The following SULF2 variants were observed in gnomAD, a reference collection of about 807,000 sequenced individuals.
SULF2 encodes sulfatase 2.
In SULF2, 52 loss-of-function variants were observed where a neutral mutation model predicts 107.7. The observed-to-expected ratio is 0.48, with a 90% CI of 0.39 to 0.61. The LOEUF is 0.61. SULF2 is among the 20% of genes least tolerant of loss of function. SULF2 has a pLI of 0.00. For missense variants in SULF2, 993 were observed against 1,177.3 expected (o/e 0.84, Z 2.29); for synonymous variants, 460 against 464.3 (o/e 0.99, Z 0.12).
intron 2 of SULF2, among the ~76,000 whole-genome samples, chr20:47,739,441 C>T (rs368647592): frequency 6.6e-6 from 1 of 152,246 alleles, no homozygotes; most frequent in African/African-American, 2.4e-5. Context: ...GGCCGCCCTC[C>T]CACCTCCTGG....
chr20:47,735,557 T>A (rs1302073106), intron 3 of SULF2, among the ~76,000 whole-genome samples: 1 of 152,144 alleles, frequency 6.6e-6, no homozygotes, highest in Non-Finnish European at 1.5e-5. Context: ...TCTAGGGTGG[T>A]GGCCATGGTA....
At chr20:47,754,619 G>A (rs1053317837) in intron 2 of SULF2, among the ~76,000 whole-genome samples, 2 of 152,160 alleles carry the variant, frequency 1.3e-5, no homozygotes, top group Non-Finnish European at 2.9e-5. Flanking sequence ...AACACCAGGG[G>A]CTCTAAACCC....
chr20:47,775,655 A>G (rs1404975339), intron 1 of SULF2, among the ~76,000 whole-genome samples: 1 of 152,198 alleles, frequency 6.6e-6, no homozygotes, highest in South Asian at 2.1e-4. Context: ...TCATTCCTTT[A>G]GTCATTCATT....
chr20:47,737,785 CAG>C (rs1327346283), intron 2 of SULF2, among the ~76,000 whole-genome samples: 1 of 89,390 alleles, frequency 1.1e-5, no homozygotes, highest in Non-Finnish European at 1.9e-5. Context: ...TTTTTTGAGA[CAG>C]AGTCTTGCTC....
intron 3 of SULF2, among the ~76,000 whole-genome samples, chr20:47,704,467 C>A (rs2088666150): frequency 6.6e-6 from 1 of 152,026 alleles, no homozygotes; most frequent in Non-Finnish European, 1.5e-5. Flanking sequence ...GAGAAGGGGT[C>A]TCGCCATGCT....
At chr20:47,755,570 T>A (rs142100583) in intron 2 of SULF2, among the ~76,000 whole-genome samples, 1,914 of 152,218 alleles carry the variant, frequency 0.013, 36 homozygotes, top group Non-Finnish European at 0.016. Flanking sequence ...ATTGATCAGT[T>A]TATTTCCCAA....
intron 1 of SULF2, among the ~76,000 whole-genome samples, chr20:47,778,451 C>T (rs2122695327): frequency 6.6e-6 from 1 of 152,380 alleles, no homozygotes. Flanking sequence ...ATGGCAGAGG[C>T]CAGGGCCACT....
chr20:47,752,740 G>A (rs890221448), intron 2 of SULF2, among the ~76,000 whole-genome samples: 2 of 151,982 alleles, frequency 1.3e-5, no homozygotes, highest in African/African-American at 2.4e-5. Flanking sequence ...GACAGAGCGA[G>A]ACCCCGTCTC....
At chr20:47,745,399 AAAAAAAAAAAAATAT>A (rs1387710393) in intron 2 of SULF2, among the ~76,000 whole-genome samples, 1 of 27,716 alleles carries the variant, frequency 3.6e-5, no homozygotes, top group Non-Finnish European at 5.6e-5. Context: ...AAAAAAAAAA[AAAAAAAAAAAAATAT>A]ATATATATAT....
intron 1 of SULF2, among the ~76,000 whole-genome samples, chr20:47,784,713 T>C (rs1245113157): frequency 1.3e-5 from 2 of 152,144 alleles, no homozygotes; most frequent in Non-Finnish European, 2.9e-5. Context: ...CTATAAGGAA[T>C]GTTTGGAAAA....
intron 4 of SULF2, among the ~76,000 whole-genome samples, chr20:47,698,854 A>G (rs1337279291): frequency 1.3e-5 from 2 of 152,146 alleles, no homozygotes. Flanking sequence ...CAACACGGAG[A>G]AACCCCATCT....
chr20:47,770,942 C>T (rs1028445842), intron 1 of SULF2, among the ~76,000 whole-genome samples: 4 of 152,198 alleles, frequency 2.6e-5, no homozygotes, highest in South Asian at 4.1e-4. Context: ...ACCAGGGCTA[C>T]GCACGTCTGG....
In SULF2 at chr20:47,682,522, G is replaced by A. The variant is rs576679083; in HGVS notation, c.1064+472C>T. 2.9e-3 allele frequency among the ~76,000 whole-genome samples: 436 copies of A among 152,274 alleles called. 1 individual carries two copies. Among genetic ancestry groups the A allele is most frequent in the African/African-American group, 9.7e-3 (404 of 41,544 alleles). On this transcript the variant is annotated intron_variant, in intron 7 of 20. Transcript: ENST00000688720. Reference sequence around the variant, plus strand: ...AGGAGAATGGCTGGCTGAGGGCTGCGGCCCACGTGGTCCTCCAGGAAGGAT... The same window carrying A: ...AGGAGAATGGCTGGCTGAGGGCTGCAGCCCACGTGGTCCTCCAGGAAGGAT...
At chr20:47,750,760 C>T (rs887639691) in intron 2 of SULF2, among the ~76,000 whole-genome samples, 1 of 152,242 alleles carries the variant, frequency 6.6e-6, no homozygotes, top group African/African-American at 2.4e-5. Flanking sequence ...GTTCATTCTT[C>T]CTGCTGCTCT....
At chr20:47,734,468 C>CT (rs2089683971) in intron 3 of SULF2, among the ~76,000 whole-genome samples, 2 of 152,152 alleles carry the variant, frequency 1.3e-5, no homozygotes, top group Non-Finnish European at 2.9e-5. Flanking sequence ...TTTTCTTAGT[C>CT]AACACTGATC....
intron 11 of SULF2, among the ~76,000 whole-genome samples, chr20:47,669,978 C>T (rs1468345379): frequency 6.6e-6 from 1 of 152,078 alleles, no homozygotes; most frequent in Admixed American, 6.5e-5. Context: ...TGTAGTAGTT[C>T]CTAATCAGCT....
At chr20:47,676,761 G>A (rs1216342788) in intron 9 of SULF2, 138 bp from the exon 10 acceptor site, 9 of 1,024,668 alleles carry the variant, frequency 8.8e-6, no homozygotes, top group Admixed American at 2.9e-5. Flanking sequence ...CCACCTGCCC[G>A]GGTCTTCTGA....
At position 47,702,649 on chromosome 20, in the gene SULF2, T is replaced by C; in HGVS notation, c.437A>G (p.Asn146Ser). ...YRTAFFGKYL[N>S]EYNGSYVPPG... ...TGGCACGTAGGAGCCGTTGTATTCA[T>C]TAAGATACTTCCCGAAGAAAGCTGC... is the stretch of plus-strand genomic sequence containing the variant. The change falls in exon 4 of 21, where the codon AAT becomes AGT. Residue 146 changes from asparagine to serine, a missense_variant. By Grantham distance (46) the Asn-to-Ser change is conservative. Coordinates refer to ENST00000688720, the MANE Select transcript of SULF2 (RefSeq NM_001387048.1). 1 of 1,613,996 alleles carries C rather than the reference T, an allele frequency of 6.2e-7. No individual in the cohort carries two copies. Among genetic ancestry groups the C allele is most frequent in the Non-Finnish European group, 8.5e-7 (1 of 1,180,010 alleles).
intron 4 of SULF2, among the ~76,000 whole-genome samples, chr20:47,692,735 A>G (rs1186194493): frequency 6.6e-6 from 1 of 152,194 alleles, no homozygotes. Context: ...TCAGCCTCCC[A>G]AAGTGTAGGT....
Sources: allele counts gnomAD v4.1 joint callset (sites outside exome capture counted in the v4.1 genomes callset), GRCh38; gene constraint gnomAD v4.1.1; transcripts MANE v1.5; gene names NCBI Gene and HGNC (gene_info 2026-07-23, HGNC 2026-07-21).